EXOC4: variants seen among roughly 807,000 people sequenced by gnomAD.
EXOC4 encodes the protein exocyst complex component 4, also known as SEC8-like 1.
A neutral mutation model predicts 107.2 loss-of-function variants in EXOC4; 71 were observed. The observed-to-expected ratio is 0.66, with a 90% CI of 0.55 to 0.81. The LOEUF (loss-of-function observed/expected upper bound fraction) is 0.81, where lower values mean the gene tolerates loss of function less well. EXOC4 is among the 30% of genes least tolerant of loss of function. The pLI is 0.00. For missense variants in EXOC4, 1,108 were observed against 1,189.6 expected, an observed-to-expected ratio of 0.93 and a Z score of 1.01; for synonymous variants, 456 against 441.2, an observed-to-expected ratio of 1.03 and a Z score of -0.42.
At chr7:133,656,563 T>G (rs1017897409) in intron 10 of EXOC4, among the ~76,000 whole-genome samples, 7 of 152,152 alleles carry the variant, frequency 4.6e-5, no homozygotes, top group African/African-American at 1.7e-4. Context: ...CAACTACTAA[T>G]GAAATGACCC....
chr7:133,461,481 A>G (rs557661431), intron 7 of EXOC4, among the ~76,000 whole-genome samples: 14 of 152,234 alleles, frequency 9.2e-5, no homozygotes, highest in Non-Finnish European at 2.1e-4. Context: ...GACAATATTT[A>G]CATATTACAG....
At chr7:133,627,378 T>G (rs1179351714) in intron 9 of EXOC4, among the ~76,000 whole-genome samples, 3 of 152,160 alleles carry the variant, frequency 2.0e-5, no homozygotes, top group African/African-American at 7.2e-5. Context: ...AATTAATGAG[T>G]ACCTAATATC....
chr7:133,436,500 TAA>T (rs565649959), intron 7 of EXOC4, among the ~76,000 whole-genome samples: 4 of 141,370 alleles, frequency 2.8e-5, no homozygotes, highest in African/African-American at 5.2e-5. Context: ...AGTGTGGTGT[TAA>T]AAAAAAAAAA....
chr7:133,746,374 A>G (rs879827629), intron 10 of EXOC4, among the ~76,000 whole-genome samples: 3 of 152,124 alleles, frequency 2.0e-5, no homozygotes, highest in Non-Finnish European at 2.9e-5. Flanking sequence ...AGGTGAGGAA[A>G]TATCCCTTTT....
chr7:133,310,290 C>T (rs535651423), intron 4 of EXOC4, among the ~76,000 whole-genome samples: 23 of 152,062 alleles, frequency 1.5e-4, no homozygotes, highest in Non-Finnish European at 3.1e-4. Flanking sequence ...TAGTGCTGAA[C>T]CCTGAATCTA....
At chr7:133,535,310 C>G (rs1277946314) in intron 9 of EXOC4, among the ~76,000 whole-genome samples, 1 of 152,146 alleles carries the variant, frequency 6.6e-6, no homozygotes, top group African/African-American at 2.4e-5. Flanking sequence ...TGAATGCAGG[C>G]CTTCTGACTT....
intron 3 of EXOC4, among the ~76,000 whole-genome samples, chr7:133,292,758 T>A (rs1181318390): frequency 6.6e-6 from 1 of 152,198 alleles, no homozygotes; most frequent in Non-Finnish European, 1.5e-5. Flanking sequence ...TTGAGGATAG[T>A]GGTTGTGTCT....
chr7:133,742,096 C>T (rs1795577724), intron 10 of EXOC4, among the ~76,000 whole-genome samples: 2 of 152,166 alleles, frequency 1.3e-5, no homozygotes, highest in South Asian at 4.1e-4. Flanking sequence ...TACTGCTCAT[C>T]GCACCATCTG....
intron 9 of EXOC4, among the ~76,000 whole-genome samples, chr7:133,529,370 T>TATA (rs1353205719): frequency 6.6e-6 from 1 of 152,190 alleles, no homozygotes; most frequent in East Asian, 1.9e-4. Context: ...CTCCCTTTTG[T>TATA]ATAAAAAGCA....
At chr7:133,817,186 A>G in intron 10 of EXOC4, 139 bp from the exon 11 acceptor site, 1 of 575,154 alleles carries the variant, frequency 1.7e-6, no homozygotes, top group Non-Finnish European at 3.1e-6. Flanking sequence ...AAGATTAAAA[A>G]TTATATAGAG....
chr7:133,879,981 C>T lies in EXOC4; in HGVS notation c.1735-15618C>T, dbSNP rs145946620. Among the ~76,000 whole-genome samples, 12 of 152,262 alleles carry T rather than the reference C, an allele frequency of 7.9e-5. No homozygotes were observed. The East Asian group carries it at 2.3e-3, about 29-fold the overall frequency. On this transcript the variant is annotated intron_variant, in intron 11 of 17. Coordinates refer to ENST00000253861, the MANE Select transcript of EXOC4 (RefSeq NM_021807.4). ...TTCTCGATTCCTTGACAGAAATTCC[C>T]TTCTCCAGCCACACTTGTCTCCTAA...
chr7:133,269,264 C>T (rs991399252), intron 1 of EXOC4, among the ~76,000 whole-genome samples: 3 of 152,096 alleles, frequency 2.0e-5, no homozygotes, highest in Non-Finnish European at 2.9e-5. Context: ...TCCTGCAGCT[C>T]AGGAGTTGAA....
At chr7:133,698,021 T>C (rs1794573613) in intron 10 of EXOC4, among the ~76,000 whole-genome samples, 1 of 152,188 alleles carries the variant, frequency 6.6e-6, no homozygotes, top group Admixed American at 6.5e-5. Flanking sequence ...CAAAGTTAGC[T>C]GTTTTATAAA....
At chr7:133,877,018 A>AC (rs1352647629) in intron 11 of EXOC4, among the ~76,000 whole-genome samples, 2 of 148,416 alleles carry the variant, frequency 1.3e-5, no homozygotes, top group East Asian at 2.0e-4. Flanking sequence ...TTTTCTCTGC[A>AC]CCCCCCACCC....
intron 3 of EXOC4, among the ~76,000 whole-genome samples, chr7:133,295,752 A>G (rs1794505600): frequency 6.6e-6 from 1 of 152,186 alleles, no homozygotes; most frequent in African/African-American, 2.4e-5. Flanking sequence ...TCATGCATCC[A>G]CTGAGAAATG....
chr7:133,936,236 CG>C (rs1391112566), intron 13 of EXOC4, among the ~76,000 whole-genome samples: 3 of 152,142 alleles, frequency 2.0e-5, no homozygotes, highest in African/African-American at 4.8e-5. Context: ...TCAACTGTGA[CG>C]TTTCCTTTAA....
intron 9 of EXOC4, among the ~76,000 whole-genome samples, chr7:133,598,938 C>G (rs774054205): frequency 6.6e-6 from 1 of 152,012 alleles, no homozygotes; most frequent in African/African-American, 2.4e-5. Flanking sequence ...GAGCCAAGAT[C>G]GCGCCACTGC....
chr7:133,261,319 C>T lies in EXOC4; in HGVS notation c.86+8132C>T, dbSNP rs184019337. Among the ~76,000 whole-genome samples, 139 of 148,994 alleles carry T rather than the reference C, an allele frequency of 9.3e-4. 1 individual carries two copies. Among genetic ancestry groups the T allele is most frequent in the Non-Finnish European group, 1.4e-3 (95 of 67,558 alleles). On this transcript the variant is annotated intron_variant, in intron 1 of 17. Coordinates refer to ENST00000253861, the MANE Select transcript of EXOC4 (RefSeq NM_021807.4). Reference sequence around the variant, plus strand: ...TCTAGCTCTCTTGCCCAGGCTGGAGCGCAGTAGTGTGATCTCTGCTCACTG... The same window carrying T: ...TCTAGCTCTCTTGCCCAGGCTGGAGTGCAGTAGTGTGATCTCTGCTCACTG...
At chr7:134,092,845 C>G in the EXOC4 span, among the ~76,000 whole-genome samples, 1 of 149,034 alleles carries the variant, frequency 6.7e-6, no homozygotes, top group Non-Finnish European at 1.5e-5. Context: ...ATTGCTCGAA[C>G]CCAGGAGGCA....
Sources: gnomAD v4.1 joint callset for allele counts (sites outside exome capture counted in the v4.1 genomes callset) on GRCh38, gnomAD v4.1.1 for gene constraint, MANE v1.5 for transcripts, NCBI Gene and HGNC (gene_info 2026-07-23, HGNC 2026-07-21) for gene names.